Variants in GTPBP1 observed in about 807,000 individuals in gnomAD.
GTPBP1 encodes GTP binding protein 1.
A neutral mutation model predicts 62.0 loss-of-function variants in GTPBP1; 23 were observed. The ratio of observed to expected loss-of-function variants is 0.37; its 90% CI spans 0.27 to 0.53. GTPBP1 has a LOEUF of 0.53. Among genes scored for constraint, GTPBP1 ranks in the 20% least tolerant of loss-of-function variants. The pLI, the probability that GTPBP1 is intolerant of heterozygous loss-of-function variation, is 0.89. For missense variants in GTPBP1, 640 were observed against 917.3 expected (o/e 0.70, Z 3.90); for synonymous variants, 344 against 364.4 (o/e 0.94, Z 0.64).
downstream of GTPBP1, chr22:38,742,438 G>A (rs764150835): frequency 1.1e-5 from 17 of 1,613,390 alleles, no homozygotes; most frequent in South Asian, 5.5e-5. Context: ...GCCCCTTGCC[G>A]CAGCTCCAGA....
At position 38,706,060 on chromosome 22, in the gene GTPBP1, C is replaced by A; in HGVS notation, c.105C>A (p.Ala35=). The A allele has an allele frequency of 7.3e-7, 1 of 1,363,478 alleles. No homozygotes were observed. Among genetic ancestry groups the A allele is most frequent in the Non-Finnish European group, 9.4e-7 (1 of 1,059,568 alleles). 84.5% of individuals were successfully genotyped at this position (1,363,478 alleles called of 1,614,324 possible). ...SPGAARAAAA[A]ARLHGGFDSD... Reference sequence around the variant, plus strand: ...GGGCGGCCAGGGCCGCGGCGGCCGCCGCCCGACTCCACGGCGGCTTTGACT... The same window carrying A: ...GGGCGGCCAGGGCCGCGGCGGCCGCAGCCCGACTCCACGGCGGCTTTGACT... The change falls in exon 1 of 12, where the codon GCC becomes GCA. Residue 35 remains alanine, a synonymous_variant. Coordinates refer to ENST00000216044, the MANE Select transcript of GTPBP1 (RefSeq NM_004286.5).
At chr22:38,706,361 C>T (rs1261987770) in intron 1 of GTPBP1, 4 of 347,610 alleles carry the variant, frequency 1.2e-5, no homozygotes, top group African/African-American at 2.1e-5. Flanking sequence ...TTGGCTCCCC[C>T]GCGTCGCCAA....
At chr22:38,709,227 G>A (rs1235374298) in intron 2 of GTPBP1, among the ~76,000 whole-genome samples, 1 of 152,138 alleles carries the variant, frequency 6.6e-6, no homozygotes, top group Admixed American at 6.5e-5. Context: ...GGGAGGCGGA[G>A]GTTGCAGTGA....
At chr22:38,729,069 C>T (rs4820346) in intron 10 of GTPBP1, 1 of 161,630 alleles carries the variant, frequency 6.2e-6, no homozygotes, top group African/African-American at 2.4e-5. Flanking sequence ...GCTTAGCAAT[C>T]AGGAGATCCC....
At chr22:38,729,439 G>A (rs777656103) in intron 10 of GTPBP1, 23 bp from the exon 11 acceptor site, 1 of 1,566,618 alleles carries the variant, frequency 6.4e-7, no homozygotes, top group Non-Finnish European at 8.7e-7. Flanking sequence ...TCCAGCCTCA[G>A]CCTCTCTCCA....
intron 2 of GTPBP1, among the ~76,000 whole-genome samples, chr22:38,712,624 TCTC>T (rs1293501859): frequency 2.0e-5 from 3 of 152,156 alleles, no homozygotes; most frequent in African/African-American, 7.2e-5. Flanking sequence ...CTGCAGCTTT[TCTC>T]CTCCACCTTT....
downstream of GTPBP1, chr22:38,738,127 G>T: frequency 6.4e-7 from 1 of 1,569,250 alleles, no homozygotes; most frequent in Non-Finnish European, 8.8e-7. This position sits in a 1 kb window ranked among gnomAD's most constrained non-coding sequence, Gnocchi z 6.6. Context: ...CTGCTGCCTG[G>T]ATGGGGAGTC....
chr22:38,723,033 G>T (rs2092709023), intron 5 of GTPBP1: 6 of 797,386 alleles, frequency 7.5e-6, no homozygotes, highest in Non-Finnish European at 1.4e-5. Flanking sequence ...GACAAGAGTG[G>T]GATGTTCATG....
intron 6 of GTPBP1, chr22:38,725,695 G>A: frequency 3.1e-6 from 1 of 327,496 alleles, no homozygotes; most frequent in East Asian, 5.7e-5. Context: ...TTTTAAGCAA[G>A]CATGCGTGTG....
chr22:38,715,851 G>T (rs1345991881), intron 2 of GTPBP1, 56 bp from the exon 3 acceptor site: 2 of 1,467,350 alleles, frequency 1.4e-6, no homozygotes, highest in African/African-American at 2.8e-5. Flanking sequence ...TGGCTGGTTG[G>T]CAGGCTGGTT....
chr22:38,724,448 C>G (rs9611013), intron 6 of GTPBP1, 37 bp downstream of exon 6: 1 of 1,253,046 alleles, frequency 8.0e-7, no homozygotes, highest in African/African-American at 1.5e-5. Context: ...GACAGGCACC[C>G]TTGCAGGCAG....
chr22:38,727,366 T>C lies in GTPBP1; in HGVS notation c.1537+18T>C, dbSNP rs2092732351. ...GGCCATGGGTAGGTGTCTAAGGCCC[T>C]GCCAGCCCAGGAGGCCGTCGTGTTA... is the stretch of plus-strand genomic sequence containing the variant. On this transcript the variant is annotated intron_variant, in intron 9 of 11. Transcript: ENST00000216044. The surrounding 1 kb of genome is among the most constrained non-coding windows in gnomAD (Gnocchi z 6.5). The C allele has an allele frequency of 6.5e-7, 1 of 1,531,360 alleles. No homozygotes were observed. Among genetic ancestry groups the C allele is most frequent in the East Asian group, 2.5e-5 (1 of 40,592 alleles). The allele number at this position is 1,531,360 out of a possible 1,614,324, so 94.9% of individuals were successfully genotyped here.
At position 38,730,933 on chromosome 22, in the gene GTPBP1, T is replaced by G. The variant is rs1384943922; in HGVS notation, c.*229T>G. On this transcript the variant is annotated 3_prime_UTR_variant, in exon 12 of 12. Coordinates refer to ENST00000216044, the MANE Select transcript of GTPBP1 (RefSeq NM_004286.5). This position sits in a 1 kb window ranked among gnomAD's most constrained non-coding sequence, Gnocchi z 5.6. ...ATCTCTCACTGTCCTCCCCACCTTC[T>G]TCCTCACTCACACATTTTTTGTACA... 2.3e-5 allele frequency: 12 copies of G among 528,952 alleles called. No homozygotes were observed. The African/African-American group carries it at 2.4e-4, about 10-fold the overall frequency. 32.8% of individuals were successfully genotyped at this position (528,952 alleles called of 1,614,324 possible).
chr22:38,740,850 G>C (rs1190530505), downstream of GTPBP1: 4 of 784,866 alleles, frequency 5.1e-6, no homozygotes, highest in African/African-American at 5.1e-5. This position sits in a 1 kb window ranked among gnomAD's most constrained non-coding sequence, Gnocchi z 4.8. Context: ...ACAGGCCCTG[G>C]GCAGGGGTCC....
chr22:38,726,545 T>A lies in GTPBP1; in HGVS notation c.1401+105T>A, dbSNP rs1216382224. The A allele has an allele frequency of 5.1e-6, 5 of 977,640 alleles. No individual in the cohort carries two copies. Among genetic ancestry groups the A allele is most frequent in the Non-Finnish European group, 7.8e-6 (5 of 643,688 alleles). 60.6% of individuals were successfully genotyped at this position (977,640 alleles called of 1,614,324 possible). A position where few individuals can be genotyped will look rare whatever the true frequency, so the allele number is the denominator to read the frequency against. On this transcript the variant is annotated intron_variant, in intron 8 of 11. Coordinates refer to ENST00000216044, the MANE Select transcript of GTPBP1 (RefSeq NM_004286.5). The surrounding 1 kb of genome is among the most constrained non-coding windows in gnomAD (Gnocchi z 4.1). The stretch of plus-strand genomic sequence containing the variant: ...TAGTCCTCATGGCTGCTCTGCAAGG[T>A]CGGGATTACTGGCTTCATTTTTACA...
intron 4 of GTPBP1, among the ~76,000 whole-genome samples, chr22:38,720,681 C>T (rs937820884): frequency 6.6e-5 from 10 of 152,126 alleles, no homozygotes; most frequent in African/African-American, 9.7e-5. Context: ...TTTATGTAAC[C>T]AGTCCTTACG....
In GTPBP1 at chr22:38,708,825, G is replaced by C. The variant is rs922829591; in HGVS notation, c.193-20G>C. On this transcript the variant is annotated intron_variant, in intron 1 of 11. Transcript: ENST00000216044. The stretch of plus-strand genomic sequence containing the variant: ...CTCTTCTAGCAAGTGTGGTCCTAAG[G>C]CTGTTGGTTTCTTTTCTAGCTGGTT... 5.2e-6 allele frequency: 7 copies of C among 1,352,990 alleles called. No homozygotes were observed. Among genetic ancestry groups the C allele is most frequent in the Non-Finnish European group, 6.4e-6 (6 of 941,504 alleles). 83.8% of individuals were successfully genotyped at this position (1,352,990 alleles called of 1,614,324 possible).
intron 1 of GTPBP1, chr22:38,706,718 C>T (rs1349663447): frequency 6.6e-6 from 1 of 152,266 alleles, no homozygotes; most frequent in Non-Finnish European, 1.5e-5. Context: ...CCGAGAATGT[C>T]TACTTTTCGA....
downstream of GTPBP1, chr22:38,738,027 T>C: frequency 2.6e-6 from 2 of 769,964 alleles, no homozygotes; most frequent in Non-Finnish European, 4.7e-6. This position sits in a 1 kb window ranked among gnomAD's most constrained non-coding sequence, Gnocchi z 6.6. Flanking sequence ...TTACACCCCA[T>C]TTGGATATCA....
Sources: gnomAD v4.1 joint callset for allele counts (sites outside exome capture counted in the v4.1 genomes callset) on GRCh38, gnomAD v4.1.1 for gene constraint, Gnocchi (gnomAD v3.1) non-coding constraint, MANE v1.5 for transcripts, NCBI Gene and HGNC (gene_info 2026-07-23, HGNC 2026-07-21) for gene names.